The following FUT8 variants were observed in gnomAD, a reference collection of about 807,000 sequenced individuals.
FUT8 encodes the protein alpha-(1,6)-fucosyltransferase.
Under a neutral mutation model 71.3 loss-of-function variants are expected in FUT8, and 29 were observed. The observed-to-expected ratio is 0.41, with a 90% CI of 0.30 to 0.55. FUT8 has a LOEUF of 0.55. Among genes scored for constraint, FUT8 ranks in the 20% least tolerant of loss-of-function variants. The pLI, the probability that FUT8 is intolerant of heterozygous loss-of-function variation, is 0.34. For synonymous variants in FUT8, 254 were observed against 239.3 expected, an observed-to-expected ratio of 1.06 and a Z score of -0.57; for missense variants, 544 against 702.1, an observed-to-expected ratio of 0.77 and a Z score of 2.55.
intron 7 of FUT8, among the ~76,000 whole-genome samples, chr14:65,692,999 C>A (rs1893768629): frequency 1.3e-5 from 2 of 151,632 alleles, no homozygotes; most frequent in Admixed American, 6.6e-5. Context: ...GGCGGCCGGG[C>A]AGAGATGCTC....
chr14:65,687,940 G>C (rs926905729), intron 7 of FUT8, among the ~76,000 whole-genome samples: 1 of 152,120 alleles, frequency 6.6e-6, no homozygotes, highest in East Asian at 1.9e-4. Context: ...ATGTTGCCCG[G>C]GCTGGTCATG....
chr14:65,403,574 A>G, the FUT8 span, among the ~76,000 whole-genome samples: 1 of 152,182 alleles, frequency 6.6e-6, no homozygotes, highest in Non-Finnish European at 1.5e-5. Flanking sequence ...GACTTTTGTC[A>G]GTTTGGTTAG....
In FUT8 at chr14:65,472,117, G is replaced by C. The variant is rs1381363545; in HGVS notation, c.-228+16399G>C. ...TAATTTATAAAGAGTTTGATTTACCGCACAGTTCTGCAGGCTGTACAAGAA... is the reference window on the plus strand; with the variant it reads ...TAATTTATAAAGAGTTTGATTTACCCCACAGTTCTGCAGGCTGTACAAGAA... On this transcript the variant is annotated intron_variant, in intron 2 of 10. Coordinates refer to ENST00000673929, the MANE Select transcript of FUT8 (RefSeq NM_001371533.1). The surrounding 1 kb of genome is among the most constrained non-coding windows in gnomAD (Gnocchi z 4.4). 6.6e-6 allele frequency among the ~76,000 whole-genome samples: 1 copy of C among 152,094 alleles called. No individual in the cohort carries two copies. The highest frequency in any genetic ancestry group is 2.4e-5 in the African/African-American group (1 of 41,416).
At chr14:65,496,519 T>G (rs1209828802) in intron 2 of FUT8, among the ~76,000 whole-genome samples, 1 of 152,076 alleles carries the variant, frequency 6.6e-6, no homozygotes, top group Non-Finnish European at 1.5e-5. Context: ...CCCATGCTGT[T>G]CTCATGTTAG....
At chr14:65,368,872 A>G in the FUT8 span, among the ~76,000 whole-genome samples, 19 of 152,100 alleles carry the variant, frequency 1.2e-4, no homozygotes, top group African/African-American at 4.6e-4. Flanking sequence ...TGGCCAGGCT[A>G]GTCTCGAACT....
intron 2 of FUT8, among the ~76,000 whole-genome samples, chr14:65,520,204 G>A (rs546708412): frequency 2.0e-4 from 30 of 150,586 alleles, no homozygotes; most frequent in Non-Finnish European, 1.6e-4. Context: ...TTGTTTTGGA[G>A]GTACTTTGAG....
At chr14:65,656,684 G>C (rs1891698487) in intron 6 of FUT8, among the ~76,000 whole-genome samples, 1 of 152,058 alleles carries the variant, frequency 6.6e-6, no homozygotes. Context: ...AAGCTATCCT[G>C]AGCAAAAACC....
intron 7 of FUT8, among the ~76,000 whole-genome samples, chr14:65,711,509 TCTC>T (rs1243765855): frequency 1.3e-5 from 2 of 152,064 alleles, no homozygotes; most frequent in African/African-American, 2.4e-5. Context: ...ACAAAAAAAT[TCTC>T]CTTCTTGCTC....
intron 2 of FUT8, among the ~76,000 whole-genome samples, chr14:65,481,793 A>G (rs1236744697): frequency 6.6e-6 from 1 of 151,992 alleles, no homozygotes; most frequent in African/African-American, 2.4e-5. Flanking sequence ...ATCTGTTCAA[A>G]TATTTTGGCC....
chr14:65,602,343 T>TCACACACACACA (rs1163052408), intron 3 of FUT8, among the ~76,000 whole-genome samples: 5 of 48,500 alleles, frequency 1.0e-4, no homozygotes, highest in Non-Finnish European at 1.6e-4. Context: ...GTTCCATCTC[T>TCACACACACACA]CACACACACA....
chr14:65,710,965 C>T (rs1594924808), intron 7 of FUT8, among the ~76,000 whole-genome samples: 1 of 152,162 alleles, frequency 6.6e-6, no homozygotes, highest in East Asian at 1.9e-4. Flanking sequence ...CTCTTTTTAA[C>T]AATCAGTTCT....
intron 2 of FUT8, among the ~76,000 whole-genome samples, chr14:65,462,940 C>G (rs1348001773): frequency 2.0e-5 from 3 of 152,174 alleles, no homozygotes; most frequent in African/African-American, 7.2e-5. Flanking sequence ...AGGATTGTCT[C>G]ACCACTTAAC....
chr14:65,624,801 G>A (rs577949656), intron 5 of FUT8, among the ~76,000 whole-genome samples: 9 of 152,302 alleles, frequency 5.9e-5, no homozygotes, highest in East Asian at 1.9e-4. Context: ...TTGCGCCTGC[G>A]CAGTGGCTCA....
intron 1 of FUT8, among the ~76,000 whole-genome samples, chr14:65,453,391 G>A (rs529143968): frequency 6.6e-6 from 1 of 152,256 alleles, no homozygotes; most frequent in Non-Finnish European, 1.5e-5. Flanking sequence ...TTTAATCTTT[G>A]TTAAGTGTAA....
Position 65,622,734 on chromosome 14 carries a change from G to A in FUT8, c.482+6361G>A, listed in dbSNP as rs12587190. On this transcript the variant is annotated intron_variant, in intron 5 of 10. Coordinates refer to ENST00000673929, the MANE Select transcript of FUT8 (RefSeq NM_001371533.1). ...CTTATTTTTGCTGCAGGAGCAAACC[G>A]AAGTAAAAGCAGCTTTGGACAAAAC... Among the ~76,000 whole-genome samples, 85 of 152,234 alleles carry A rather than the reference G, an allele frequency of 5.6e-4. 1 individual carries two copies. The East Asian group carries it at 0.012, about 22-fold the overall frequency.
intron 5 of FUT8, among the ~76,000 whole-genome samples, chr14:65,620,238 A>G (rs28373922): frequency 0.064 from 9,744 of 152,182 alleles, 587 homozygotes; most frequent in African/African-American, 0.15. Context: ...AAAGTACAGG[A>G]GATGAGCCAT....
intron 3 of FUT8, among the ~76,000 whole-genome samples, chr14:65,590,035 C>G (rs1426352736): frequency 1.3e-5 from 2 of 152,148 alleles, no homozygotes; most frequent in Admixed American, 1.3e-4. Context: ...GATATCCTCC[C>G]TATCTTAGGG....
At chr14:65,437,286 A>G (rs1470902615) in intron 1 of FUT8, among the ~76,000 whole-genome samples, 1 of 152,248 alleles carries the variant, frequency 6.6e-6, no homozygotes, top group African/African-American at 2.4e-5. Flanking sequence ...GAATTTGAAA[A>G]ACAATTGAAA....
chr14:65,527,858 A>G (rs555103694), intron 2 of FUT8, among the ~76,000 whole-genome samples: 39 of 152,218 alleles, frequency 2.6e-4, no homozygotes, highest in Non-Finnish European at 4.1e-4. Context: ...AGGCTGCAGA[A>G]CAATGCATAT....
Sources: allele counts gnomAD v4.1 joint callset (sites outside exome capture counted in the v4.1 genomes callset), GRCh38; gene constraint gnomAD v4.1.1; non-coding constraint Gnocchi (gnomAD v3.1); transcripts MANE v1.5; gene names NCBI Gene and HGNC (gene_info 2026-07-23, HGNC 2026-07-21).